Variants in ADCK1 observed in about 807,000 individuals in gnomAD.
ADCK1 encodes aarF domain-containing protein kinase 1.
ADCK1 carries 41 observed loss-of-function variants against 52.3 expected under a neutral mutation model. The observed-to-expected ratio is 0.78, with a 90% CI of 0.61 to 1.02. ADCK1 has a LOEUF of 1.02. ADCK1 is among the 50% of genes least tolerant of loss of function. The pLI is 0.00. For missense variants in ADCK1, 658 were observed against 679.5 expected (o/e 0.97, Z 0.35); for synonymous variants, 250 against 274.6 (o/e 0.91, Z 0.89).
At chr14:77,882,963 C>A (rs549283465) in intron 4 of ADCK1, among the ~76,000 whole-genome samples, 13 of 136,012 alleles carry the variant, frequency 9.6e-5, no homozygotes, top group African/African-American at 2.4e-4. Context: ...ACCACCCCCC[C>A]CCCCGTGCTT....
chr14:77,901,565 T>G (rs1364462753), intron 6 of ADCK1, among the ~76,000 whole-genome samples: 1 of 152,070 alleles, frequency 6.6e-6, no homozygotes, highest in East Asian at 1.9e-4. Flanking sequence ...AATTTTTGTA[T>G]TTTTAGTAGA....
In ADCK1 at chr14:77,924,439, G is replaced by T; in HGVS notation, c.859-18G>T. The T allele has an allele frequency of 6.2e-7, 1 of 1,612,956 alleles. No homozygotes were observed. Among genetic ancestry groups the T allele is most frequent in the Non-Finnish European group, 8.5e-7 (1 of 1,179,588 alleles). On this transcript the variant is annotated intron_variant, in intron 7 of 10. Transcript: ENST00000238561. ...TGTGAGTGGAGAGGAGCTCCCACCT[G>T]CCCCTCTTCTCTTTCAGATCTCACG...
chr14:77,883,048 G>T (rs1358690333), intron 4 of ADCK1, among the ~76,000 whole-genome samples: 1 of 143,426 alleles, frequency 7.0e-6, no homozygotes, highest in African/African-American at 2.6e-5. Context: ...GAAACCAAAT[G>T]ATAAAAAGCC....
chr14:77,877,703 C>G (rs2082930999), intron 4 of ADCK1, among the ~76,000 whole-genome samples: 1 of 152,220 alleles, frequency 6.6e-6, no homozygotes, highest in African/African-American at 2.4e-5. Flanking sequence ...CTCCTGGGTT[C>G]AAACGATTCT....
chr14:77,844,151 T>C (rs2082129173), intron 3 of ADCK1, among the ~76,000 whole-genome samples: 1 of 152,108 alleles, frequency 6.6e-6, no homozygotes, highest in Non-Finnish European at 1.5e-5. Flanking sequence ...TACTGCAACC[T>C]CTGCCTGGAG....
intron 4 of ADCK1, among the ~76,000 whole-genome samples, chr14:77,862,595 G>C (rs1304660988): frequency 6.6e-6 from 1 of 152,244 alleles, no homozygotes; most frequent in Non-Finnish European, 1.5e-5. Context: ...GGGTGCCTCA[G>C]CCCTTGACTC....
chr14:77,905,483 G>A (rs1331118024), intron 6 of ADCK1, among the ~76,000 whole-genome samples: 1 of 151,770 alleles, frequency 6.6e-6, no homozygotes. Context: ...ACAGGCGTGA[G>A]CCACTGCGCC....
intron 3 of ADCK1, among the ~76,000 whole-genome samples, chr14:77,827,490 T>C (rs191634734): frequency 1.3e-4 from 20 of 152,122 alleles, no homozygotes; most frequent in Non-Finnish European, 2.2e-4. Context: ...TGAGTTAAGT[T>C]TGCTGTTTCT....
chr14:77,877,104 A>G (rs2082917374), intron 4 of ADCK1, among the ~76,000 whole-genome samples: 1 of 152,220 alleles, frequency 6.6e-6, no homozygotes. Flanking sequence ...AGTCCCAGCT[A>G]CTTGGGAGGC....
At chr14:77,835,948 G>A (rs932953395) in intron 3 of ADCK1, among the ~76,000 whole-genome samples, 2 of 152,170 alleles carry the variant, frequency 1.3e-5, no homozygotes, top group African/African-American at 4.8e-5. Flanking sequence ...TTTTTAATGA[G>A]TTCATCAGGT....
chr14:77,911,122 C>G (rs1281025340), intron 7 of ADCK1, among the ~76,000 whole-genome samples: 1 of 152,180 alleles, frequency 6.6e-6, no homozygotes, highest in Non-Finnish European at 1.5e-5. Context: ...ATAATCTCTA[C>G]TCATTACAGC....
Position 77,926,978 on chromosome 14 carries a change from G to A in ADCK1, c.1206+1017G>A, listed in dbSNP as rs556695186. ...ACTTGCCTGAATCCACGTGGGGGAT[G>A]GCCTTGGGCTCCAGCTGAGGCCCCT... is the stretch of plus-strand genomic sequence containing the variant. On this transcript the variant is annotated intron_variant, in intron 9 of 10. Transcript: ENST00000238561. Among the ~76,000 whole-genome samples, 14 of 152,294 alleles carry A rather than the reference G, an allele frequency of 9.2e-5. No individual in the cohort carries two copies. The East Asian group carries it at 2.5e-3, about 27-fold the overall frequency.
At chr14:77,822,697 G>T (rs975260554) in intron 3 of ADCK1, among the ~76,000 whole-genome samples, 179 bp downstream of exon 3, 1 of 152,170 alleles carries the variant, frequency 6.6e-6, no homozygotes, top group African/African-American at 2.4e-5. Context: ...GAAGCTTCCT[G>T]TGTACAGCTG....
At position 77,829,399 on chromosome 14, in the gene ADCK1, A is replaced by G. The variant is rs763939044; in HGVS notation, c.219+6881A>G. 1.8e-4 allele frequency among the ~76,000 whole-genome samples: 27 copies of G among 150,098 alleles called. 1 individual carries two copies. The highest frequency in any genetic ancestry group is 5.3e-4 in the Admixed American group (8 of 15,080). ...AGCCTCCAACTCCTGGGCTTAAGCTATCCTCCCACTTTAGCCTCCTGAGTA... is the reference window on the plus strand; with the variant it reads ...AGCCTCCAACTCCTGGGCTTAAGCTGTCCTCCCACTTTAGCCTCCTGAGTA... On this transcript the variant is annotated intron_variant, in intron 3 of 10. Transcript: ENST00000238561.
chr14:77,855,780 C>T (rs767899687), intron 3 of ADCK1, among the ~76,000 whole-genome samples: 21 of 152,220 alleles, frequency 1.4e-4, no homozygotes, highest in African/African-American at 4.6e-4. Flanking sequence ...GTCTAGTCTG[C>T]GTGGCAGAAT....
chr14:77,905,045 A>G (rs1225739155), intron 6 of ADCK1, among the ~76,000 whole-genome samples: 4 of 152,054 alleles, frequency 2.6e-5, no homozygotes, highest in African/African-American at 7.2e-5. Flanking sequence ...AGTCATTTCC[A>G]TGTTATGTCT....
At position 77,844,897 on chromosome 14, in the gene ADCK1, A is replaced by G. The variant is rs557444712; in HGVS notation, c.220-14179A>G. ...GTTGTCTGAGTGCAGGTTGGAGAAT[A>G]GGCAAGTCGTCACCTGGACTCAGAG... On this transcript the variant is annotated intron_variant, in intron 3 of 10. Coordinates refer to ENST00000238561, the MANE Select transcript of ADCK1 (RefSeq NM_020421.4). Among the ~76,000 whole-genome samples, 22 of 152,342 alleles carry G rather than the reference A, an allele frequency of 1.4e-4. No individual in the cohort carries two copies. In the South Asian group the frequency reaches 4.3e-3, roughly 30 times the overall value.
intron 3 of ADCK1, among the ~76,000 whole-genome samples, chr14:77,843,587 C>G (rs1312044360): frequency 6.6e-6 from 1 of 152,124 alleles, no homozygotes; most frequent in African/African-American, 2.4e-5. Flanking sequence ...TGATGGCAGG[C>G]TTGCTCACTG....
chr14:77,842,457 TTCCTTC>T (rs2082091941), intron 3 of ADCK1, among the ~76,000 whole-genome samples: 1 of 37,036 alleles, frequency 2.7e-5, no homozygotes, highest in South Asian at 1.0e-3. Flanking sequence ...TTTTCCTTCC[TTCCTTC>T]CTTCCTTCCT....
Sources: gnomAD v4.1 joint callset for allele counts (sites outside exome capture counted in the v4.1 genomes callset) on GRCh38, gnomAD v4.1.1 for gene constraint, MANE v1.5 for transcripts, NCBI Gene and HGNC (gene_info 2026-07-23, HGNC 2026-07-21) for gene names.